SOX5: variants seen among roughly 807,000 people sequenced by gnomAD.
SOX5 encodes the protein SRY-box transcription factor 5, also known as transcription factor SOX-5.
In SOX5, 9 loss-of-function variants were observed where a neutral mutation model predicts 92.0. The ratio of observed to expected loss-of-function variants is 0.10; its 90% CI spans 0.06 to 0.17. SOX5 has a LOEUF of 0.17. Among genes scored for constraint, SOX5 ranks in the 10% least tolerant of loss-of-function variants. SOX5 has a pLI of 1.00. For synonymous variants in SOX5, 344 were observed against 336.3 expected, an observed-to-expected ratio of 1.02 and a Z score of -0.25; for missense variants, 642 against 944.5, an observed-to-expected ratio of 0.68 and a Z score of 4.20.
chr12:23,702,522 A>G (rs1300132064), intron 6 of SOX5, among the ~76,000 whole-genome samples: 1 of 152,116 alleles, frequency 6.6e-6, no homozygotes, highest in Non-Finnish European at 1.5e-5. Context: ...ACACTTAAAT[A>G]TTAACTCCTG....
chr12:24,216,255 G>A (rs895450744), intron 3 of SOX5, among the ~76,000 whole-genome samples: 3 of 152,010 alleles, frequency 2.0e-5, no homozygotes, highest in South Asian at 2.1e-4. Flanking sequence ...AGGCCGAGGC[G>A]GACGGATCAC....
chr12:23,697,493 T>G (rs1272305924), intron 6 of SOX5, among the ~76,000 whole-genome samples: 1 of 152,218 alleles, frequency 6.6e-6, no homozygotes, highest in African/African-American at 2.4e-5. Context: ...TCTTTTTTGT[T>G]AACTTGACAA....
At position 23,821,220 on chromosome 12, in the gene SOX5, C is replaced by T. The variant is rs184227765; in HGVS notation, c.481+24763G>A. ...GGGAGTTTGCTCATGATTTGGATCT[C>T]TTTTTGTCTATTTTTGATGTATAGG... On this transcript the variant is annotated intron_variant, in intron 3 of 14. Transcript: ENST00000451604. Among the ~76,000 whole-genome samples the T allele has an allele frequency of 9.8e-3, 1,486 of 152,188 alleles. 27 individuals are homozygous for T. The highest frequency in any genetic ancestry group is 0.034 in the African/African-American group (1,412 of 41,532).
intron 2 of SOX5, among the ~76,000 whole-genome samples, chr12:24,285,899 A>AT: frequency 6.6e-6 from 1 of 152,324 alleles, no homozygotes; most frequent in East Asian, 1.9e-4. Context: ...AATATTTATA[A>AT]TTTTGTCTTA....
intron 4 of SOX5, among the ~76,000 whole-genome samples, chr12:24,099,138 A>T (rs2137931701): frequency 6.6e-6 from 1 of 152,276 alleles, no homozygotes; most frequent in East Asian, 1.9e-4. Context: ...CCTGATGTGC[A>T]GTCTAAGTTC....
At chr12:23,990,247 G>T (rs894151714) in intron 4 of SOX5, among the ~76,000 whole-genome samples, 2 of 152,084 alleles carry the variant, frequency 1.3e-5, no homozygotes, top group African/African-American at 2.4e-5. Flanking sequence ...CTATGCAAGA[G>T]ATCTTTTTAA....
intron 4 of SOX5, among the ~76,000 whole-genome samples, chr12:23,983,525 G>A (rs1234985855): frequency 2.0e-5 from 3 of 152,156 alleles, no homozygotes; most frequent in African/African-American, 7.2e-5. Context: ...TAAAATTAGT[G>A]AGTGGTTGGG....
chr12:23,713,297 C>A (rs1184691382), intron 6 of SOX5, among the ~76,000 whole-genome samples: 1 of 152,162 alleles, frequency 6.6e-6, no homozygotes, highest in African/African-American at 2.4e-5. Context: ...TAAACCCTAT[C>A]AACAACTTGA....
At chr12:24,514,488 A>G (rs1410754407) in intron 1 of SOX5, among the ~76,000 whole-genome samples, 1 of 152,074 alleles carries the variant, frequency 6.6e-6, no homozygotes, top group Non-Finnish European at 1.5e-5. Context: ...TTTACCCAAC[A>G]TTTTTCTCAT....
At chr12:24,452,533 G>A (rs1433529227) in intron 1 of SOX5, among the ~76,000 whole-genome samples, 1 of 152,048 alleles carries the variant, frequency 6.6e-6, no homozygotes, top group African/African-American at 2.4e-5. Context: ...TGAGTTTCTA[G>A]GAAATCATTG....
chr12:24,464,019 G>A (rs568470481), intron 1 of SOX5, among the ~76,000 whole-genome samples: 2 of 152,190 alleles, frequency 1.3e-5, no homozygotes, highest in African/African-American at 4.8e-5. Context: ...TTAAAACTTC[G>A]CTGACAAATA....
chr12:24,268,175 T>C (rs927495358), intron 3 of SOX5, among the ~76,000 whole-genome samples: 1 of 152,232 alleles, frequency 6.6e-6, no homozygotes, highest in South Asian at 2.1e-4. Flanking sequence ...GTGAATTATA[T>C]GTACATACAC....
intron 12 of SOX5, among the ~76,000 whole-genome samples, chr12:23,545,948 G>C (rs1224665235): frequency 6.6e-6 from 1 of 152,066 alleles, no homozygotes; most frequent in Non-Finnish European, 1.5e-5. Context: ...GCTAAAGTGG[G>C]AGGATCACTT....
intron 4 of SOX5, among the ~76,000 whole-genome samples, chr12:23,741,767 T>C (rs1480123861): frequency 6.6e-6 from 1 of 152,174 alleles, no homozygotes; most frequent in African/African-American, 2.4e-5. Flanking sequence ...GATAATGTGG[T>C]TGGCAAATTA....
chr12:24,265,117 T>G (rs1240075069), intron 3 of SOX5, among the ~76,000 whole-genome samples: 1 of 152,230 alleles, frequency 6.6e-6, no homozygotes. Flanking sequence ...TTCTGCCATG[T>G]AGACTTGAGT....
intron 1 of SOX5, among the ~76,000 whole-genome samples, chr12:24,408,041 T>C (rs1179719999): frequency 1.3e-5 from 2 of 152,006 alleles, no homozygotes; most frequent in African/African-American, 2.4e-5. Context: ...GAGATCTCGA[T>C]GAAGTGAATG....
chr12:24,423,770 G>A (rs994214951), intron 1 of SOX5, among the ~76,000 whole-genome samples: 7 of 152,282 alleles, frequency 4.6e-5, no homozygotes, highest in Admixed American at 2.0e-4. Context: ...TGCAATGTAC[G>A]GGCTATTGAT....
intron 3 of SOX5, chr12:24,223,136 A>G (rs1380100540): frequency 6.6e-6 from 1 of 152,348 alleles, no homozygotes; most frequent in East Asian, 1.9e-4. Flanking sequence ...CCTTCCAGAC[A>G]GATGAAATTA....
At chr12:23,844,882 T>C (rs1036734934) in intron 3 of SOX5, among the ~76,000 whole-genome samples, 4 of 152,202 alleles carry the variant, frequency 2.6e-5, no homozygotes, top group African/African-American at 4.8e-5. Context: ...TCCATGAGAA[T>C]AGGAGGACAT....
Sources: gnomAD v4.1 joint callset for allele counts (sites outside exome capture counted in the v4.1 genomes callset) on GRCh38, gnomAD v4.1.1 for gene constraint, MANE v1.5 for transcripts, NCBI Gene and HGNC (gene_info 2026-07-23, HGNC 2026-07-21) for gene names.